ANO1: variants seen among roughly 807,000 people sequenced by gnomAD.
ANO1 encodes the protein anoctamin 1.
In ANO1, 59 loss-of-function variants were observed where a neutral mutation model predicts 124.0. That is an observed-to-expected ratio of 0.48 (90% CI 0.39 to 0.59). The LOEUF (loss-of-function observed/expected upper bound fraction) is 0.59. ANO1 is among the 20% of genes least tolerant of loss of function. The pLI, the probability that ANO1 is intolerant of heterozygous loss-of-function variation, is 0.00. For missense variants in ANO1, 1,059 were observed against 1,328.0 expected (o/e 0.80, Z 3.15); for synonymous variants, 529 against 532.0 (o/e 0.99, Z 0.08).
At chr11:70,096,889 C>A (rs895542368) in intron 2 of ANO1, among the ~76,000 whole-genome samples, 3 of 151,224 alleles carry the variant, frequency 2.0e-5, no homozygotes, top group Non-Finnish European at 3.0e-5. Context: ...TAATAATAAT[C>A]AAGGGGTGTA....
chr11:69,993,094 A>C (rs1856186917), intron 1 of ANO1, among the ~76,000 whole-genome samples: 1 of 152,046 alleles, frequency 6.6e-6, no homozygotes, highest in Admixed American at 6.5e-5. Flanking sequence ...CATGCAGCCA[A>C]ACCCACACAA....
In ANO1 at chr11:70,132,007, G is replaced by T. The variant is rs34716436; in HGVS notation, c.1186G>T (p.Ala396Ser). The part of the protein sequence containing the change: ...CSYWKMSSAC[A>S]TARASHLFDN... ...CTACTGGAAGATGAGCTCAGCCTGC[G>T]CCACGGCCCGCGCCAGCCACCTCTT... The change falls in exon 11 of 26, where the codon GCC (alanine) becomes TCC (serine). Residue 396 changes from alanine (A) to serine (S), a missense_variant. Ala to Ser is a moderately conservative substitution (Grantham distance 99, BLOSUM62 1). Around this residue, in one of 2 missense-constraint regions of ANO1, gnomAD observed 809 missense variants for 1,094.9 expected, o/e 0.74. Coordinates refer to ENST00000355303, the MANE Select transcript of ANO1 (RefSeq NM_018043.7). The T allele has an allele frequency of 6.2e-7, 1 of 1,607,492 alleles. No homozygotes were observed. Among genetic ancestry groups the T allele is most frequent in the Non-Finnish European group, 8.5e-7 (1 of 1,178,644 alleles).
chr11:70,061,843 TAGGGTCAACCAATTAGGGG>T (rs1857586778), intron 1 of ANO1, among the ~76,000 whole-genome samples: 2 of 152,076 alleles, frequency 1.3e-5, no homozygotes, highest in Admixed American at 1.3e-4. Flanking sequence ...AGTCTGATCT[TAGGGTCAACCAATTAGGGG>T]AGGGTCTCTA....
chr11:69,999,475 A>G (rs1554998883), intron 1 of ANO1, among the ~76,000 whole-genome samples: 2 of 152,168 alleles, frequency 1.3e-5, no homozygotes, highest in African/African-American at 4.8e-5. Context: ...CTGTGTTATG[A>G]CATAGGATGA....
At chr11:69,988,685 A>G (rs1260922506) in intron 1 of ANO1, among the ~76,000 whole-genome samples, 2 of 152,164 alleles carry the variant, frequency 1.3e-5, no homozygotes, top group Admixed American at 1.3e-4. Flanking sequence ...GCAGCTCCTT[A>G]GTTATTCTTT....
At chr11:70,161,086 G>A (rs994488648) in intron 16 of ANO1, 75 bp from the exon 17 acceptor site, 4 of 1,363,094 alleles carry the variant, frequency 2.9e-6, no homozygotes, top group African/African-American at 1.4e-5. Context: ...CAGCTGGACT[G>A]AGGGAGCAGA....
chr11:70,082,057 G>A (rs900050374), intron 1 of ANO1, among the ~76,000 whole-genome samples: 1 of 152,182 alleles, frequency 6.6e-6, no homozygotes, highest in African/African-American at 2.4e-5. Flanking sequence ...GTCTTTGTCG[G>A]CATCTCACAG....
At chr11:70,110,654 C>T (rs1590758977) in intron 6 of ANO1, among the ~76,000 whole-genome samples, 1 of 152,138 alleles carries the variant, frequency 6.6e-6, no homozygotes, top group East Asian at 1.9e-4. Flanking sequence ...TTTCCCGCCG[C>T]TATCAGGTGG....
Position 70,086,223 on chromosome 11 carries a change from C to T in ANO1, c.109-1529C>T, listed in dbSNP as rs117645783. Among the ~76,000 whole-genome samples, 484 of 152,324 alleles carry T rather than the reference C, an allele frequency of 3.2e-3. 1 individual carries two copies. Among genetic ancestry groups the T allele is most frequent in the Non-Finnish European group, 5.2e-3 (354 of 68,022 alleles). On this transcript the variant is annotated intron_variant, in intron 1 of 25. Coordinates refer to ENST00000355303, the MANE Select transcript of ANO1 (RefSeq NM_018043.7). ...GCTTGGAGTTGCCTGTTAGGTTCTACCCAGCATGGCTTTTTTTATTTTTTC... is the reference window on the plus strand; with the variant it reads ...GCTTGGAGTTGCCTGTTAGGTTCTATCCAGCATGGCTTTTTTTATTTTTTC...
At chr11:70,181,878 G>C (rs1788975) in intron 23 of ANO1, among the ~76,000 whole-genome samples, 135,990 of 152,290 alleles carry the variant, frequency 0.89, 60,777 homozygotes, top group East Asian at 0.95. Flanking sequence ...CTGGTCTGCA[G>C]ACAGCCCTTG....
chr11:70,061,667 C>G (rs1291354899), intron 1 of ANO1, among the ~76,000 whole-genome samples: 6 of 152,096 alleles, frequency 3.9e-5, no homozygotes, highest in Non-Finnish European at 5.9e-5. Context: ...TTTAATCCAG[C>G]CTTTATAGAT....
intron 8 of ANO1, among the ~76,000 whole-genome samples, chr11:70,123,513 C>G (rs2046378189): frequency 6.6e-6 from 1 of 152,200 alleles, no homozygotes; most frequent in South Asian, 2.1e-4. Flanking sequence ...TCCCTCGTCC[C>G]CCAGCCATGA....
the ANO1 span, among the ~76,000 whole-genome samples, chr11:69,966,122 G>A: frequency 6.6e-6 from 1 of 152,208 alleles, no homozygotes; most frequent in Non-Finnish European, 1.5e-5. Flanking sequence ...AGGCACTCAG[G>A]GTGGCCCCGC....
chr11:70,074,251 G>C (rs2044024916), upstream of ANO1, among the ~76,000 whole-genome samples: 1 of 152,056 alleles, frequency 6.6e-6, no homozygotes. Context: ...CTGCTCATGA[G>C]TCAACAGCAC....
At chr11:70,094,813 C>T (rs2044774844) in intron 2 of ANO1, among the ~76,000 whole-genome samples, 1 of 152,232 alleles carries the variant, frequency 6.6e-6, no homozygotes, top group African/African-American at 2.4e-5. Context: ...TTTTATGCCT[C>T]CCCAGTCTTC....
intron 1 of ANO1, among the ~76,000 whole-genome samples, chr11:70,067,861 G>A (rs369518228): frequency 5.3e-5 from 8 of 152,302 alleles, no homozygotes; most frequent in African/African-American, 1.9e-4. Context: ...AAAGTCTTCC[G>A]GAATTGACCA....
At chr11:70,028,526 G>T (rs1856948113) in intron 1 of ANO1, among the ~76,000 whole-genome samples, 1 of 151,986 alleles carries the variant, frequency 6.6e-6, no homozygotes, top group Admixed American at 6.6e-5. Context: ...TCAATTGATG[G>T]TCTCTCCTGG....
chr11:70,099,379 G>A (rs189372383), intron 2 of ANO1, among the ~76,000 whole-genome samples: 1 of 152,318 alleles, frequency 6.6e-6, no homozygotes, highest in East Asian at 1.9e-4. Context: ...AAACGGGGGT[G>A]CATGTTTTCC....
rs1346456747 is a variant in ANO1, at chr11:70,189,351, T to C, written c.*1347T>C. On this transcript the variant is annotated 3_prime_UTR_variant, in exon 26 of 26. Coordinates refer to ENST00000355303, the MANE Select transcript of ANO1 (RefSeq NM_018043.7). ...TTGCTAAAATCATGCAATCTGATGC[T>C]TCTCTTTTCTCTTGTACAGTAAGTA... is the stretch of plus-strand genomic sequence containing the variant. The C allele has an allele frequency of 6.6e-6, 1 of 152,662 alleles. No individual in the cohort carries two copies. Among genetic ancestry groups the C allele is most frequent in the Middle Eastern group, 3.2e-3 (1 of 316 alleles). The allele number at this position is 152,662 out of a possible 1,614,324, so 9.5% of individuals were successfully genotyped here.
Sources: allele counts gnomAD v4.1 joint callset (sites outside exome capture counted in the v4.1 genomes callset), GRCh38; gene constraint gnomAD v4.1.1; regional missense constraint gnomAD v4.1.1; transcripts MANE v1.5; gene names NCBI Gene and HGNC (gene_info 2026-07-23, HGNC 2026-07-21).